The following PAK3 variants were observed in gnomAD, a reference collection of about 807,000 sequenced individuals.
The protein encoded by PAK3 is p21 (RAC1) activated kinase 3, also known as serine/threonine-protein kinase PAK 3.
Under a neutral mutation model 41.0 loss-of-function variants are expected in PAK3, and 4 were observed. The observed-to-expected ratio is 0.10, with a 90% CI of 0.05 to 0.22. The LOEUF (loss-of-function observed/expected upper bound fraction) is 0.22, where lower values mean the gene tolerates loss of function less well. PAK3 is among the 10% of genes least tolerant of loss of function. The pLI, the probability that PAK3 is intolerant of heterozygous loss-of-function variation, is 1.00. For synonymous variants in PAK3, 146 were observed against 139.6 expected (o/e 1.05, Z -0.32); for missense variants, 205 against 409.9 (o/e 0.50, Z 4.32).
At chrX:111,012,552 A>G (rs1322679647) in intron 1 of PAK3, among the ~76,000 whole-genome samples, 1 of 112,244 alleles carries the variant, frequency 8.9e-6, no homozygotes, top group East Asian at 2.8e-4. Context: ...GTTCTCCCTC[A>G]GATAAAGTTT....
At chrX:110,975,746 G>A (rs189113417) in intron 1 of PAK3, among the ~76,000 whole-genome samples, 2 of 111,278 alleles carry the variant, frequency 1.8e-5, no homozygotes, top group African/African-American at 3.3e-5. Flanking sequence ...AGCATGGTAC[G>A]GGTACCAAAA....
chrX:111,052,356 G>T (rs889004923), intron 1 of PAK3, among the ~76,000 whole-genome samples: 4 of 112,542 alleles, frequency 3.6e-5, no homozygotes, highest in Non-Finnish European at 7.5e-5. Context: ...ACGTAGCTGT[G>T]TGCTTAAAAA....
At chrX:110,998,053 C>A (rs1255431564) in intron 1 of PAK3, among the ~76,000 whole-genome samples, 1 of 111,507 alleles carries the variant, frequency 9.0e-6, no homozygotes, top group African/African-American at 3.3e-5. Context: ...CCAAATGGAC[C>A]AAGACAGATG....
chrX:111,184,946 C>T (rs1039894064), intron 11 of PAK3, among the ~76,000 whole-genome samples: 10 of 111,558 alleles, frequency 9.0e-5, no homozygotes, highest in African/African-American at 2.9e-4. Context: ...AATGATATTT[C>T]TGGTTCTAGA....
chrX:111,148,277 AC>A (rs2093979377), intron 7 of PAK3, among the ~76,000 whole-genome samples: 1 of 111,862 alleles, frequency 8.9e-6, no homozygotes, highest in South Asian at 3.8e-4. Flanking sequence ...ATTGATTTAC[AC>A]CATGATGACA....
At chrX:111,115,424 T>C (rs2093445991) in intron 4 of PAK3, among the ~76,000 whole-genome samples, 1 of 111,799 alleles carries the variant, frequency 8.9e-6, no homozygotes, top group African/African-American at 3.3e-5. Flanking sequence ...GGGGAATTCC[T>C]ACAAGTAAGG....
At chrX:111,023,839 A>T (rs1288233957) in intron 1 of PAK3, among the ~76,000 whole-genome samples, 1 of 111,806 alleles carries the variant, frequency 8.9e-6, no homozygotes, top group Non-Finnish European at 1.9e-5. Context: ...CCCAATCTGT[A>T]GGTTGCCTGT....
rs886650916 is a variant in PAK3 at position 111,014,846 on chromosome X, C to A, written c.-28+70218C>A. 3.6e-5 allele frequency among the ~76,000 whole-genome samples: 4 copies of A among 111,567 alleles called. No homozygotes were observed. In the South Asian group the frequency reaches 1.5e-3, roughly 42 times the overall value. On this transcript the variant is annotated intron_variant, in intron 1 of 14. Transcript: ENST00000425146. Reference sequence around the variant, plus strand: ...GACTCACTTACTGGAGCTGTAATGACTTTATCTTCCAAAAGAACAAAAGAG... The same window carrying A: ...GACTCACTTACTGGAGCTGTAATGAATTTATCTTCCAAAAGAACAAAAGAG...
chrX:111,101,938 G>A (rs1339693519), intron 3 of PAK3, among the ~76,000 whole-genome samples: 1 of 111,903 alleles, frequency 8.9e-6, no homozygotes, highest in Non-Finnish European at 1.9e-5. Flanking sequence ...GGAGATCATG[G>A]GGCTTTTCTT....
intron 1 of PAK3, among the ~76,000 whole-genome samples, chrX:111,005,510 T>A (rs1227879097): frequency 8.9e-6 from 1 of 111,740 alleles, no homozygotes; most frequent in African/African-American, 3.3e-5. Context: ...TACATTTCCT[T>A]CTAGTCCAGT....
At chrX:111,111,891 G>A (rs1569343290) in intron 4 of PAK3, among the ~76,000 whole-genome samples, 1 of 111,258 alleles carries the variant, frequency 9.0e-6, no homozygotes, top group South Asian at 3.8e-4. Context: ...ACCATCTTTG[G>A]CCAATGTCCA....
At chrX:111,166,541 C>A (rs917334463) in intron 10 of PAK3, among the ~76,000 whole-genome samples, 6 of 111,389 alleles carry the variant, frequency 5.4e-5, no homozygotes, top group Non-Finnish European at 1.1e-4. Flanking sequence ...CTCAAGCAGT[C>A]CTCCTGCCTC....
intron 1 of PAK3, among the ~76,000 whole-genome samples, chrX:110,959,855 C>T (rs1010638764): frequency 1.4e-4 from 16 of 111,513 alleles, no homozygotes; most frequent in Non-Finnish European, 2.6e-4. Context: ...CAACAGATAA[C>T]AAAATTAAAT....
chrX:111,202,522 A>G (rs931505829), intron 16 of PAK3, among the ~76,000 whole-genome samples: 11 of 111,902 alleles, frequency 9.8e-5, no homozygotes, highest in African/African-American at 3.6e-4. Flanking sequence ...GGGGTTAAAA[A>G]TCTAACTTTC....
chrX:111,045,966 A>G (rs2092493907), intron 1 of PAK3, among the ~76,000 whole-genome samples: 1 of 111,596 alleles, frequency 9.0e-6, no homozygotes, highest in Non-Finnish European at 1.9e-5. Flanking sequence ...CACTAATTCC[A>G]GGTAACCTAG....
At chrX:111,191,981 T>G (rs905608362) in intron 11 of PAK3, 146 bp from the exon 12 acceptor site, 5 of 405,732 alleles carry the variant, frequency 1.2e-5, no homozygotes, top group Admixed American at 1.1e-4. Flanking sequence ...ACAATAATAA[T>G]TTTTTTAAAA....
chrX:111,183,027 G>T (rs2094475816), intron 11 of PAK3, among the ~76,000 whole-genome samples: 1 of 111,582 alleles, frequency 9.0e-6, no homozygotes, highest in Non-Finnish European at 1.9e-5. Context: ...CATGAGCTTT[G>T]GGAAGTACCA....
chrX:111,022,112 C>G, intron 1 of PAK3, among the ~76,000 whole-genome samples: 1 of 111,767 alleles, frequency 8.9e-6, no homozygotes, highest in Middle Eastern at 4.6e-3. Context: ...TTTGAGGGAA[C>G]AATTGAGGAA....
chrX:111,000,628 C>T (rs2091830613), intron 1 of PAK3, among the ~76,000 whole-genome samples: 1 of 111,819 alleles, frequency 8.9e-6, no homozygotes, highest in African/African-American at 3.3e-5. Flanking sequence ...CTTATTGTAT[C>T]AATGTTAATT....
Sources: allele counts gnomAD v4.1 joint callset (sites outside exome capture counted in the v4.1 genomes callset), GRCh38; gene constraint gnomAD v4.1.1; transcripts MANE v1.5; gene names NCBI Gene and HGNC (gene_info 2026-07-23, HGNC 2026-07-21).